USH2A: variants seen among roughly 807,000 people sequenced by gnomAD.
USH2A encodes Usher syndrome 2A (autosomal recessive, mild).
Under a neutral mutation model 538.9 loss-of-function variants are expected in USH2A, and 443 were observed. The observed-to-expected ratio is 0.82, with a 90% CI of 0.76 to 0.89. USH2A has a LOEUF of 0.89. Among genes scored for constraint, USH2A ranks in the 40% least tolerant of loss-of-function variants. The pLI is 0.00. For missense variants in USH2A, 6,633 were observed against 6,324.8 expected, an observed-to-expected ratio of 1.05 and a Z score of -1.65; for synonymous variants, 2,413 against 2,273.5, an observed-to-expected ratio of 1.06 and a Z score of -1.75.
chr1:216,377,787 GAAAGAGAAGGAAAGAAATAA>G (rs1281435944), intron 3 of USH2A, among the ~76,000 whole-genome samples: 160 of 28,438 alleles, frequency 5.6e-3, no homozygotes, highest in East Asian at 0.012. Context: ...TAAAAAGAAA[GAAAGAGAAGGAAAGAAATAA>G]AAAGAAAGAA....
intron 22 of USH2A, among the ~76,000 whole-genome samples, chr1:216,095,964 C>A (rs1411469045): frequency 6.6e-6 from 1 of 152,130 alleles, no homozygotes; most frequent in African/African-American, 2.4e-5. Context: ...TGATTTAGAT[C>A]ATCAGTTTTA....
At chr1:215,723,254 AC>A (rs1659713295) in intron 61 of USH2A, among the ~76,000 whole-genome samples, 1 of 149,354 alleles carries the variant, frequency 6.7e-6, no homozygotes, top group Non-Finnish European at 1.5e-5. Flanking sequence ...ATGCATTAAA[AC>A]CCACACTCTT....
chr1:215,669,206 T>C (rs372977558), intron 64 of USH2A, among the ~76,000 whole-genome samples: 73 of 152,282 alleles, frequency 4.8e-4, no homozygotes, highest in African/African-American at 1.7e-3. Flanking sequence ...TTTATGCTGA[T>C]TTCATCCAGC....
intron 21 of USH2A, among the ~76,000 whole-genome samples, chr1:216,140,849 T>C (rs772301426): frequency 1.3e-5 from 2 of 152,134 alleles, no homozygotes; most frequent in African/African-American, 4.8e-5. Context: ...CAGCCCTGGG[T>C]GGACCCAAAG....
intron 9 of USH2A, among the ~76,000 whole-genome samples, chr1:216,317,709 C>T (rs1019381328): frequency 1.5e-4 from 23 of 151,596 alleles, no homozygotes; most frequent in Admixed American, 4.6e-4. Context: ...AAAAGTTAGC[C>T]GCGTGTGGTG....
chr1:215,874,353 A>G (rs1664704587), intron 43 of USH2A, among the ~76,000 whole-genome samples: 1 of 152,204 alleles, frequency 6.6e-6, no homozygotes, highest in Non-Finnish European at 1.5e-5. Flanking sequence ...AAATTCGATA[A>G]TGAGGCAACT....
intron 21 of USH2A, among the ~76,000 whole-genome samples, chr1:216,115,715 G>A (rs148911504): frequency 0.013 from 2,038 of 151,518 alleles, 22 homozygotes; most frequent in Admixed American, 0.024. Flanking sequence ...CAAAATAGAT[G>A]AAATACATTT....
At chr1:216,343,714 G>A (rs2038122500) in intron 4 of USH2A, among the ~76,000 whole-genome samples, 1 of 151,578 alleles carries the variant, frequency 6.6e-6, no homozygotes, top group African/African-American at 2.4e-5. Flanking sequence ...TGCATCATGG[G>A]GTCAGGTTAA....
chr1:216,007,538 C>T (rs1328595589), intron 32 of USH2A, among the ~76,000 whole-genome samples: 1 of 152,134 alleles, frequency 6.6e-6, no homozygotes, highest in African/African-American at 2.4e-5. Flanking sequence ...GAAGGAGGGG[C>T]CCTGACCCCT....
At chr1:215,846,482 G>A (rs992987001) in intron 44 of USH2A, among the ~76,000 whole-genome samples, 4 of 152,084 alleles carry the variant, frequency 2.6e-5, no homozygotes, top group Non-Finnish European at 5.9e-5. Context: ...CCAGACTGTT[G>A]GGATTAGAGG....
chr1:215,652,860 G>A (rs781124684), intron 64 of USH2A, among the ~76,000 whole-genome samples: 9 of 152,194 alleles, frequency 5.9e-5, no homozygotes, highest in South Asian at 4.1e-4. Context: ...TGATTTGAGC[G>A]CAGGCAGAAT....
At chr1:215,966,567 T>C (rs1273254404) in intron 36 of USH2A, among the ~76,000 whole-genome samples, 1 of 152,230 alleles carries the variant, frequency 6.6e-6, no homozygotes, top group Non-Finnish European at 1.5e-5. Flanking sequence ...AAAGTGTTAA[T>C]TTTTAATAAC....
At chr1:216,293,319 C>T (rs970896579) in intron 9 of USH2A, among the ~76,000 whole-genome samples, 11 of 152,152 alleles carry the variant, frequency 7.2e-5, no homozygotes, top group Non-Finnish European at 1.3e-4. Context: ...CCACCGCACC[C>T]GGCCACTTCT....
chr1:216,301,013 G>A (rs549551416), intron 9 of USH2A, among the ~76,000 whole-genome samples: 25 of 152,028 alleles, frequency 1.6e-4, no homozygotes, highest in Non-Finnish European at 3.1e-4. Context: ...GCCTACCAAA[G>A]TTCTGGGATT....
At chr1:215,696,853 G>T (rs969095856) in intron 61 of USH2A, among the ~76,000 whole-genome samples, 1 of 152,170 alleles carries the variant, frequency 6.6e-6, no homozygotes, top group Non-Finnish European at 1.5e-5. Context: ...GACATAGTGA[G>T]ACCTGTCTCT....
chr1:216,079,968 G>C (rs2031881865), intron 26 of USH2A: 1 of 152,020 alleles, frequency 6.6e-6, no homozygotes, highest in Non-Finnish European at 1.5e-5. Context: ...TAACTAGGAG[G>C]GTGTTCTGCC....
At chr1:216,051,805 T>C (rs1427328341) in intron 30 of USH2A, among the ~76,000 whole-genome samples, 3 of 152,332 alleles carry the variant, frequency 2.0e-5, no homozygotes, top group East Asian at 3.9e-4. Context: ...AGTATTATCA[T>C]TGAGAAATAT....
intron 21 of USH2A, among the ~76,000 whole-genome samples, chr1:216,167,472 T>C (rs1435557236): frequency 1.3e-5 from 2 of 152,044 alleles, no homozygotes; most frequent in Non-Finnish European, 2.9e-5. Flanking sequence ...TATGACCTTC[T>C]GGGAACACTT....
intron 20 of USH2A, among the ~76,000 whole-genome samples, chr1:216,188,290 T>C (rs1572031405): frequency 6.6e-6 from 1 of 152,028 alleles, no homozygotes; most frequent in Non-Finnish European, 1.5e-5. Flanking sequence ...ACATGTTTCC[T>C]GCTCTTCTAT....
Sources: gnomAD v4.1 joint callset for allele counts (sites outside exome capture counted in the v4.1 genomes callset) on GRCh38, gnomAD v4.1.1 for gene constraint, MANE v1.5 for transcripts, NCBI Gene and HGNC (gene_info 2026-07-23, HGNC 2026-07-21) for gene names.